Variants in CEP85L observed in about 807,000 individuals in gnomAD.
The protein encoded by CEP85L is centrosomal protein 85L.
A neutral mutation model predicts 100.3 loss-of-function variants in CEP85L; 60 were observed. The ratio of observed to expected loss-of-function variants is 0.60; its 90% CI spans 0.49 to 0.74. CEP85L has a LOEUF of 0.74. CEP85L is among the 30% of genes least tolerant of loss of function. CEP85L has a pLI of 0.00. For synonymous variants in CEP85L, 319 were observed against 322.7 expected, an observed-to-expected ratio of 0.99 and a Z score of 0.12; for missense variants, 973 against 936.2, an observed-to-expected ratio of 1.04 and a Z score of -0.51.
intron 3 of CEP85L, among the ~76,000 whole-genome samples, chr6:118,536,612 T>C (rs1207653028): frequency 6.6e-6 from 1 of 152,180 alleles, no homozygotes; most frequent in Non-Finnish European, 1.5e-5. Context: ...GAATGCACTG[T>C]CGTGGCTGTA....
chr6:118,492,914 T>G (rs984025110), intron 5 of CEP85L, among the ~76,000 whole-genome samples: 4 of 152,142 alleles, frequency 2.6e-5, no homozygotes, highest in Admixed American at 1.3e-4. Flanking sequence ...AGCATGCAAC[T>G]CAACCATTAC....
intron 2 of CEP85L, among the ~76,000 whole-genome samples, chr6:118,590,032 T>C (rs1781091479): frequency 6.6e-6 from 1 of 151,866 alleles, no homozygotes; most frequent in Admixed American, 6.6e-5. Context: ...TCAGATTTTT[T>C]TTCTCTGCAT....
At chr6:118,546,454 T>C (rs1195921684) in intron 3 of CEP85L, among the ~76,000 whole-genome samples, 1 of 152,082 alleles carries the variant, frequency 6.6e-6, no homozygotes, top group African/African-American at 2.4e-5. Flanking sequence ...AGAACAATGA[T>C]CTATCACCTA....
At chr6:118,637,819 T>TA (rs1367164654) in intron 1 of CEP85L, among the ~76,000 whole-genome samples, 1 of 148,988 alleles carries the variant, frequency 6.7e-6, no homozygotes, top group Non-Finnish European at 1.5e-5. Flanking sequence ...ATAAGCAAAC[T>TA]AAAAATAAAT....
intron 2 of CEP85L, among the ~76,000 whole-genome samples, chr6:118,586,764 T>C (rs1379140150): frequency 2.6e-5 from 4 of 152,168 alleles, no homozygotes; most frequent in Admixed American, 6.5e-5. Context: ...CATTTCTACC[T>C]CTCCTTTTGA....
At chr6:118,560,019 C>T (rs986620155) in intron 3 of CEP85L, 2 of 167,072 alleles carry the variant, frequency 1.2e-5, no homozygotes, top group Non-Finnish European at 2.9e-5. Context: ...TCCAGCCTAA[C>T]ATCCAATGCA....
intron 2 of CEP85L, among the ~76,000 whole-genome samples, chr6:118,571,624 T>G (rs912741776): frequency 1.3e-5 from 2 of 152,080 alleles, no homozygotes; most frequent in Admixed American, 1.3e-4. Flanking sequence ...ATCCTTCTGA[T>G]AGTAATAAGG....
intron 2 of CEP85L, among the ~76,000 whole-genome samples, chr6:118,604,745 G>C (rs763461186): frequency 6.6e-6 from 1 of 152,050 alleles, no homozygotes; most frequent in Non-Finnish European, 1.5e-5. Flanking sequence ...ATGGCTTTAC[G>C]GTAGGCAAAT....
At chr6:118,659,429 T>C (rs1448136984) in intron 1 of CEP85L, among the ~76,000 whole-genome samples, 1 of 152,206 alleles carries the variant, frequency 6.6e-6, no homozygotes, top group Non-Finnish European at 1.5e-5. Context: ...CCTAATGAAG[T>C]TATGGAGCAA....
At chr6:118,539,975 G>A (rs1777815652) in intron 3 of CEP85L, among the ~76,000 whole-genome samples, 1 of 151,526 alleles carries the variant, frequency 6.6e-6, no homozygotes, top group South Asian at 2.1e-4. Context: ...TGGTGAAACT[G>A]TTGAGTGGAG....
At position 118,543,571 on chromosome 6, in the gene CEP85L, T is replaced by C. The variant is rs183609845; in HGVS notation, c.1021-19651A>G. Among the ~76,000 whole-genome samples, 57 of 152,354 alleles carry C rather than the reference T, an allele frequency of 3.7e-4. No individual in the cohort carries two copies. In the East Asian group the frequency reaches 0.011, roughly 28 times the overall value. On this transcript the variant is annotated intron_variant, in intron 3 of 12. Transcript: ENST00000368491. ...ATTATAAGAGATATTCACTTATTAC[T>C]TGTATAATTAGAAATTAAGAACAAG...
chr6:118,602,600 G>A (rs906622509), intron 2 of CEP85L, among the ~76,000 whole-genome samples: 1 of 152,142 alleles, frequency 6.6e-6, no homozygotes, highest in Non-Finnish European at 1.5e-5. Context: ...CAATTAATGA[G>A]ACTAGAATTT....
intron 2 of CEP85L, among the ~76,000 whole-genome samples, chr6:118,583,906 A>AG (rs1273328899): frequency 1.3e-5 from 2 of 152,182 alleles, no homozygotes; most frequent in Admixed American, 1.3e-4. Flanking sequence ...CAAATACCTG[A>AG]GGGAACTAAA....
intron 1 of CEP85L, among the ~76,000 whole-genome samples, chr6:118,637,036 C>A (rs1199789066): frequency 6.6e-6 from 1 of 152,154 alleles, no homozygotes; most frequent in African/African-American, 2.4e-5. Context: ...TAGAAAAGAA[C>A]AATAGTTGTA....
chr6:118,682,770 T>TACAC (rs1562357410), intron 1 of CEP85L, among the ~76,000 whole-genome samples: 13 of 87,422 alleles, frequency 1.5e-4, no homozygotes, highest in East Asian at 2.3e-4. Context: ...TGCCTGAGCA[T>TACAC]GCACACACAC....
At chr6:118,473,467 G>C (rs1235974551) in intron 10 of CEP85L, among the ~76,000 whole-genome samples, 1 of 152,094 alleles carries the variant, frequency 6.6e-6, no homozygotes, top group Non-Finnish European at 1.5e-5. Context: ...CAGGATGGCT[G>C]AGAATAGTAG....
chr6:118,479,338 T>A (rs1259090571), intron 10 of CEP85L, among the ~76,000 whole-genome samples: 1 of 152,100 alleles, frequency 6.6e-6, no homozygotes, highest in Non-Finnish European at 1.5e-5. Context: ...TGACTTCCCA[T>A]CACACTACCT....
intron 2 of CEP85L, among the ~76,000 whole-genome samples, chr6:118,570,327 A>G (rs1195681038): frequency 6.6e-6 from 1 of 152,208 alleles, no homozygotes; most frequent in Non-Finnish European, 1.5e-5. Context: ...ATACTTCTAA[A>G]GTATGAATAA....
At chr6:118,624,376 T>C (rs1773649420) in intron 2 of CEP85L, among the ~76,000 whole-genome samples, 1 of 152,048 alleles carries the variant, frequency 6.6e-6, no homozygotes, top group African/African-American at 2.4e-5. Context: ...CTATCGTCCT[T>C]CCTTTTAACA....
Sources: allele counts gnomAD v4.1 joint callset (sites outside exome capture counted in the v4.1 genomes callset), GRCh38; gene constraint gnomAD v4.1.1; transcripts MANE v1.5; gene names NCBI Gene and HGNC (gene_info 2026-07-23, HGNC 2026-07-21).